PREX2: variants seen among roughly 807,000 people sequenced by gnomAD.
PREX2 encodes the protein phosphatidylinositol 3,4,5-trisphosphate-dependent Rac exchanger 2 protein.
A neutral mutation model predicts 203.2 loss-of-function variants in PREX2; 107 were observed. The ratio of observed to expected loss-of-function variants is 0.53; its 90% CI spans 0.45 to 0.62. PREX2 has a LOEUF of 0.62. PREX2 is among the 20% of genes least tolerant of loss of function. PREX2 has a pLI of 0.00. For missense variants in PREX2, 1,777 were observed against 1,955.9 expected (o/e 0.91, Z 1.72); for synonymous variants, 672 against 663.6 (o/e 1.01, Z -0.19).
rs766901408 is a variant in PREX2, at chr8:68,191,798, G to C, written c.4413+10G>C. 1.3e-6 allele frequency: 2 copies of C among 1,556,700 alleles called. No individual in the cohort carries two copies. Among genetic ancestry groups the C allele is most frequent in the Admixed American group, 1.7e-5 (1 of 58,882 alleles). ...TGCCTATGTAGATAAGGTAAAAACA[G>C]ATGATTATATTTATTGGTGCTTTTT... On this transcript the variant is annotated intron_variant, in intron 36 of 39. Transcript: ENST00000288368.
intron 21 of PREX2, among the ~76,000 whole-genome samples, chr8:68,094,769 G>T (rs938405688): frequency 6.6e-6 from 1 of 152,104 alleles, no homozygotes; most frequent in Non-Finnish European, 1.5e-5. Flanking sequence ...ACACCAACTG[G>T]GTGTCCTACA....
chr8:68,156,046 G>GACAT (rs1287671220), intron 34 of PREX2, among the ~76,000 whole-genome samples: 3 of 151,882 alleles, frequency 2.0e-5, no homozygotes. Flanking sequence ...TTTTTACTCT[G>GACAT]ACATGTTTTT....
chr8:68,220,205 T>C (rs145996257), intron 38 of PREX2: 37 of 152,262 alleles, frequency 2.4e-4, no homozygotes, highest in African/African-American at 7.9e-4. Context: ...CATACAGTTG[T>C]TATTTTAATT....
intron 11 of PREX2, among the ~76,000 whole-genome samples, chr8:68,067,963 A>G (rs1465703468): frequency 6.6e-6 from 1 of 152,012 alleles, no homozygotes; most frequent in Non-Finnish European, 1.5e-5. Flanking sequence ...GCTTCTATTG[A>G]GATCATCGTA....
chr8:68,109,101 A>G, intron 24 of PREX2: 2 of 437,772 alleles, frequency 4.6e-6, no homozygotes, highest in South Asian at 3.7e-5. Context: ...TTTCAATCAG[A>G]TAAGAGGAAT....
chr8:68,122,098 T>C (rs575216836), intron 30 of PREX2, among the ~76,000 whole-genome samples: 3 of 152,248 alleles, frequency 2.0e-5, no homozygotes, highest in East Asian at 1.9e-4. Context: ...TTATATCAAA[T>C]GGAGTCTGAG....
intron 35 of PREX2, among the ~76,000 whole-genome samples, chr8:68,175,788 CA>C (rs1458788234): frequency 1.3e-5 from 2 of 151,318 alleles, no homozygotes; most frequent in Non-Finnish European, 2.9e-5. Context: ...TATCAAATTC[CA>C]AAAAAGTATC....
At chr8:68,128,597 C>T (rs1810942382) in intron 31 of PREX2, among the ~76,000 whole-genome samples, 2 of 152,040 alleles carry the variant, frequency 1.3e-5, no homozygotes. Context: ...GGTAACAGGG[C>T]TGCCTGGACT....
chr8:67,979,164 A>G (rs533440007), intron 1 of PREX2, among the ~76,000 whole-genome samples: 138 of 152,336 alleles, frequency 9.1e-4, no homozygotes, highest in African/African-American at 3.2e-3. Context: ...GTACTGTTAT[A>G]CTGAAGGGGT....
chr8:68,207,426 G>A (rs1812651535), intron 37 of PREX2, among the ~76,000 whole-genome samples: 1 of 151,134 alleles, frequency 6.6e-6, no homozygotes, highest in Admixed American at 6.6e-5. Flanking sequence ...AGTCTTTTAG[G>A]GGCATGGATA....
intron 29 of PREX2, among the ~76,000 whole-genome samples, chr8:68,120,683 A>G (rs1292972201): frequency 6.6e-6 from 1 of 152,146 alleles, no homozygotes; most frequent in African/African-American, 2.4e-5. Flanking sequence ...ACAAGTAACT[A>G]GTTTGGGATA....
intron 35 of PREX2, among the ~76,000 whole-genome samples, chr8:68,167,114 G>T (rs1443756162): frequency 6.6e-6 from 1 of 152,130 alleles, no homozygotes; most frequent in Non-Finnish European, 1.5e-5. Flanking sequence ...AACCAGAGTT[G>T]TTTGAATTTA....
chr8:68,053,072 T>C (rs762923333), intron 8 of PREX2, 25 bp from the exon 9 acceptor site: 2 of 1,601,982 alleles, frequency 1.2e-6, no homozygotes, highest in Non-Finnish European at 8.5e-7. Context: ...ATTTTGTTCA[T>C]TTGCCTTTAC....
At chr8:68,220,174 A>G (rs1812927366) in intron 38 of PREX2, 1 of 151,886 alleles carries the variant, frequency 6.6e-6, no homozygotes, top group Non-Finnish European at 1.5e-5. Flanking sequence ...TTTCCTCTGC[A>G]GATTTTGTGT....
In PREX2 at chr8:68,108,089, A is replaced by C; in HGVS notation, c.2716-20A>C. ...ATTACTGTGTGTTCAACTGCTTTTT[A>C]TGTTTTCTTTAATTTGCAGTTTTCT... is the stretch of plus-strand genomic sequence containing the variant. On this transcript the variant is annotated intron_variant, in intron 23 of 39. Coordinates refer to ENST00000288368, the MANE Select transcript of PREX2 (RefSeq NM_024870.4). 1 of 1,563,228 alleles carries C rather than the reference A, an allele frequency of 6.4e-7. No individual in the cohort carries two copies. Among genetic ancestry groups the C allele is most frequent in the East Asian group, 2.3e-5 (1 of 44,410 alleles).
At chr8:68,190,083 C>T (rs866149039) in intron 35 of PREX2, among the ~76,000 whole-genome samples, 4 of 152,134 alleles carry the variant, frequency 2.6e-5, no homozygotes, top group Non-Finnish European at 4.4e-5. Context: ...CAGTGGGACT[C>T]AAAAATCCCA....
chr8:68,013,666 C>T (rs755619234), intron 1 of PREX2, among the ~76,000 whole-genome samples: 5 of 151,974 alleles, frequency 3.3e-5, no homozygotes, highest in Non-Finnish European at 7.4e-5. Context: ...AAATATTTAC[C>T]CTTATTGTTT....
intron 34 of PREX2, among the ~76,000 whole-genome samples, chr8:68,147,281 A>C (rs1426365782): frequency 6.6e-6 from 1 of 152,222 alleles, no homozygotes; most frequent in East Asian, 1.9e-4. Flanking sequence ...AGGCATATGA[A>C]ATCTAAATTC....
intron 1 of PREX2, among the ~76,000 whole-genome samples, chr8:67,965,820 A>G (rs914030937): frequency 1.7e-4 from 26 of 152,254 alleles, no homozygotes; most frequent in Non-Finnish European, 8.8e-5. Context: ...TCTAGCAAGG[A>G]CAATTAGCAC....
Sources: gnomAD v4.1 joint callset for allele counts (sites outside exome capture counted in the v4.1 genomes callset) on GRCh38, gnomAD v4.1.1 for gene constraint, MANE v1.5 for transcripts, NCBI Gene and HGNC (gene_info 2026-07-23, HGNC 2026-07-21) for gene names.